Variants in BMPER observed in about 807,000 individuals in gnomAD.
BMPER encodes the protein BMP-binding endothelial regulator protein.
A neutral mutation model predicts 87.3 loss-of-function variants in BMPER; 45 were observed. The observed-to-expected ratio is 0.52, with a 90% CI of 0.41 to 0.66. The LOEUF is 0.66. Among genes scored for constraint, BMPER ranks in the 30% least tolerant of loss-of-function variants. The pLI, the probability that BMPER is intolerant of heterozygous loss-of-function variation, is 0.00. For missense variants in BMPER, 784 were observed against 867.5 expected (o/e 0.90, Z 1.21); for synonymous variants, 326 against 316.2 (o/e 1.03, Z -0.33).
At chr7:34,133,601 G>C (rs187077401) in intron 13 of BMPER, among the ~76,000 whole-genome samples, 125 of 152,310 alleles carry the variant, frequency 8.2e-4, no homozygotes, top group African/African-American at 2.9e-3. Flanking sequence ...GAAGGGGGTT[G>C]TGGAAACTCC....
chr7:34,012,594 G>A (rs1232273788), intron 6 of BMPER, among the ~76,000 whole-genome samples: 2 of 151,800 alleles, frequency 1.3e-5, no homozygotes, highest in Non-Finnish European at 2.9e-5. Flanking sequence ...CCCCTTCTTA[G>A]AGTGCAGTTG....
At chr7:33,997,892 A>G (rs1455227502) in intron 6 of BMPER, among the ~76,000 whole-genome samples, 1 of 152,096 alleles carries the variant, frequency 6.6e-6, no homozygotes, top group East Asian at 1.9e-4. Flanking sequence ...TAAAATGGTA[A>G]CCCTGCTTTG....
chr7:34,025,350 A>G (rs1787328964), intron 6 of BMPER, among the ~76,000 whole-genome samples: 2 of 152,048 alleles, frequency 1.3e-5, no homozygotes, highest in Admixed American at 1.3e-4. Context: ...AAGTTCAATC[A>G]AGCACAGGGT....
At chr7:33,919,627 G>A (rs1427483) in intron 2 of BMPER, among the ~76,000 whole-genome samples, 51,552 of 152,024 alleles carry the variant, frequency 0.34, 9,052 homozygotes, top group Middle Eastern at 0.52. Flanking sequence ...GACTGGAGTA[G>A]GCAAATGATT....
At chr7:33,998,865 T>A (rs886635605) in intron 6 of BMPER, among the ~76,000 whole-genome samples, 1 of 152,078 alleles carries the variant, frequency 6.6e-6, no homozygotes, top group African/African-American at 2.4e-5. Flanking sequence ...ACAACTTTCT[T>A]TTGTCTTACT....
chr7:34,078,706 G>A (rs767405768), intron 11 of BMPER, 151 bp from the exon 12 acceptor site: 7 of 762,806 alleles, frequency 9.2e-6, no homozygotes, highest in African/African-American at 1.7e-5. Flanking sequence ...GGTTTGACAC[G>A]AACCTTTAAA....
chr7:34,082,896 T>A (rs547728112), intron 12 of BMPER, among the ~76,000 whole-genome samples: 1 of 152,354 alleles, frequency 6.6e-6, no homozygotes, highest in South Asian at 2.1e-4. Context: ...ATGGAAAATC[T>A]TCAGAATTAT....
chr7:33,954,264 A>G (rs1785096238), intron 3 of BMPER, among the ~76,000 whole-genome samples: 1 of 152,218 alleles, frequency 6.6e-6, no homozygotes, highest in Non-Finnish European at 1.5e-5. Context: ...TTATCTAGGT[A>G]TATGGGATTA....
chr7:34,079,859 A>G (rs1322548666), intron 12 of BMPER, among the ~76,000 whole-genome samples: 1 of 152,096 alleles, frequency 6.6e-6, no homozygotes, highest in Admixed American at 6.5e-5. Context: ...AAGAGCACAT[A>G]TATTCCCCCT....
intron 3 of BMPER, among the ~76,000 whole-genome samples, chr7:33,942,228 G>A (rs1490891768): frequency 6.6e-6 from 1 of 152,182 alleles, no homozygotes; most frequent in Non-Finnish European, 1.5e-5. Context: ...CACAGAAGCA[G>A]CAGTTAGAAT....
At chr7:34,065,206 CTCTCTCT>C (rs1788549148) in intron 11 of BMPER, among the ~76,000 whole-genome samples, 1 of 42,494 alleles carries the variant, frequency 2.4e-5, no homozygotes, top group Non-Finnish European at 6.1e-5. Context: ...CACACTCACT[CTCTCTCT>C]CTCTCTCTCT....
chr7:34,141,564 C>T (rs374604129), intron 13 of BMPER, among the ~76,000 whole-genome samples: 8 of 140,822 alleles, frequency 5.7e-5, no homozygotes, highest in African/African-American at 1.3e-4. Context: ...GAGCTGAGAT[C>T]GCACCATTGC....
chr7:33,910,512 T>C (rs1585626352), intron 2 of BMPER, among the ~76,000 whole-genome samples: 2 of 152,196 alleles, frequency 1.3e-5, no homozygotes, highest in Non-Finnish European at 2.9e-5. Context: ...AGCCAGTGAG[T>C]TGGGCCCAGT....
chr7:33,919,026 G>A (rs1028267042), intron 2 of BMPER, among the ~76,000 whole-genome samples: 6 of 152,108 alleles, frequency 3.9e-5, no homozygotes, highest in Non-Finnish European at 8.8e-5. Context: ...ACCAGATGGT[G>A]TTGCTTCCTT....
intron 2 of BMPER, among the ~76,000 whole-genome samples, chr7:33,921,529 C>T (rs183658899): frequency 2.6e-5 from 4 of 152,158 alleles, no homozygotes; most frequent in African/African-American, 9.7e-5. Flanking sequence ...GAGAATACCC[C>T]CCGGGGTCAG....
chr7:34,078,724 A>G, intron 11 of BMPER, 133 bp from the exon 12 acceptor site: 1 of 896,084 alleles, frequency 1.1e-6, no homozygotes, highest in Non-Finnish European at 1.8e-6. Context: ...AAAAACGACC[A>G]CTTTTTTTTT....
intron 13 of BMPER, among the ~76,000 whole-genome samples, chr7:34,094,335 C>T (rs1436633951): frequency 6.6e-6 from 1 of 152,150 alleles, no homozygotes; most frequent in Non-Finnish European, 1.5e-5. Context: ...ATCCTGACTG[C>T]AAGAAGAGTA....
At chr7:34,132,330 TG>T (rs1790613921) in intron 13 of BMPER, among the ~76,000 whole-genome samples, 1 of 152,044 alleles carries the variant, frequency 6.6e-6, no homozygotes, top group Admixed American at 6.6e-5. Context: ...AGTTCTGCCC[TG>T]CTCTCCCCAC....
At chr7:33,910,708 A>G (rs1783937132) in intron 2 of BMPER, among the ~76,000 whole-genome samples, 1 of 152,228 alleles carries the variant, frequency 6.6e-6, no homozygotes, top group African/African-American at 2.4e-5. Flanking sequence ...TCAATGTTAC[A>G]AGAATCAGGG....
Sources: gnomAD v4.1 joint callset for allele counts (sites outside exome capture counted in the v4.1 genomes callset) on GRCh38, gnomAD v4.1.1 for gene constraint, MANE v1.5 for transcripts, NCBI Gene and HGNC (gene_info 2026-07-23, HGNC 2026-07-21) for gene names.